C7: variants seen among roughly 807,000 people sequenced by gnomAD.
C7 encodes the protein complement C7.
A neutral mutation model predicts 104.8 loss-of-function variants in C7; 83 were observed. The ratio of observed to expected loss-of-function variants is 0.79; its 90% CI spans 0.66 to 0.95. C7 has a LOEUF of 0.95. C7 is among the 40% of genes least tolerant of loss of function. The pLI is 0.00. For synonymous variants in C7, 415 were observed against 360.6 expected, an observed-to-expected ratio of 1.15 and a Z score of -1.71; for missense variants, 1,070 against 1,011.2, an observed-to-expected ratio of 1.06 and a Z score of -0.79.
Position 40,922,448 on chromosome 5 carries a change from T to A in C7, c.7-6132T>A, listed in dbSNP as rs1386997840. The stretch of plus-strand genomic sequence containing the variant: ...TGGGCGCAGTGGCTCAGAGCTGTAA[T>A]CCCAGCACTTTGGGAGGCTGAGGTG... On this transcript the variant is annotated intron_variant, in intron 1 of 17. Transcript: ENST00000313164. Among the ~76,000 whole-genome samples the A allele has an allele frequency of 2.1e-5, 3 of 139,690 alleles. No individual in the cohort carries two copies. The East Asian group carries it at 7.0e-4, about 33-fold the overall frequency. 91.6% of individuals were successfully genotyped at this position (139,690 alleles called of 152,430 possible). A position where few individuals can be genotyped will look rare whatever the true frequency, so the allele number is the denominator to read the frequency against.
At position 40,968,280 on chromosome 5, in the gene C7, T is replaced by G. The variant is rs544377276; in HGVS notation, c.1882+3407T>G. Among the ~76,000 whole-genome samples the G allele has an allele frequency of 4.8e-3, 729 of 151,152 alleles. 4 individuals carry two copies. Among genetic ancestry groups the G allele is most frequent in the African/African-American group, 0.017 (693 of 41,228 alleles). Reference sequence around the variant, plus strand: ...AGCTGGAATTACATGCATGCAGCACTGCATCTGGCTAATTTTTGTATTTTT... The same window carrying G: ...AGCTGGAATTACATGCATGCAGCACGGCATCTGGCTAATTTTTGTATTTTT... On this transcript the variant is annotated intron_variant, in intron 14 of 17. Transcript: ENST00000313164.
chr5:40,940,452 G>C (rs78193933), intron 6 of C7, among the ~76,000 whole-genome samples: 1 of 152,174 alleles, frequency 6.6e-6, no homozygotes, highest in Admixed American at 6.5e-5. Flanking sequence ...AATGAATTAT[G>C]ATCAAGGTGG....
chr5:40,931,026 C>A (rs1387309285), intron 2 of C7, 38 bp from the exon 3 acceptor site: 8 of 1,409,462 alleles, frequency 5.7e-6, no homozygotes, highest in Non-Finnish European at 7.0e-6. Context: ...GCGTATCTTT[C>A]CACCTGCTTT....
At chr5:40,928,135 T>C (rs964828754) in intron 1 of C7, among the ~76,000 whole-genome samples, 8 of 152,308 alleles carry the variant, frequency 5.3e-5, no homozygotes, top group African/African-American at 1.7e-4. Context: ...GAAAACATTA[T>C]GTTAAGTTAA....
chr5:40,912,776 T>G (rs561008146), intron 1 of C7, among the ~76,000 whole-genome samples: 13 of 152,086 alleles, frequency 8.5e-5, no homozygotes, highest in East Asian at 1.9e-4. Flanking sequence ...AATTTTATGG[T>G]TTTTTTTGGA....
At chr5:40,933,287 A>G (rs976300134) in intron 3 of C7, among the ~76,000 whole-genome samples, 7 of 152,114 alleles carry the variant, frequency 4.6e-5, no homozygotes, top group South Asian at 2.1e-4. Flanking sequence ...TTCGACATTG[A>G]TATGTACAGC....
intron 14 of C7, among the ~76,000 whole-genome samples, chr5:40,971,735 C>T (rs780826443): frequency 2.0e-5 from 3 of 152,114 alleles, no homozygotes; most frequent in African/African-American, 7.2e-5. Context: ...ACATTTAAGT[C>T]TTTAATCCAT....
rs1001731929 is a variant in C7 at position 40,983,291 on chromosome 5, T to C, written c.*1718T>C. On this transcript the variant is annotated 3_prime_UTR_variant, in exon 18 of 18. Transcript: ENST00000313164. ...AAATACCTCAGTATCCTTCCAATAATTTCTCCTCTTAGCTTAAGCTAGTAT... is the reference window on the plus strand; with the variant it reads ...AAATACCTCAGTATCCTTCCAATAACTTCTCCTCTTAGCTTAAGCTAGTAT... Among the ~76,000 whole-genome samples, 15 of 152,330 alleles carry C rather than the reference T, an allele frequency of 9.8e-5. No individual in the cohort carries two copies. The highest frequency in any genetic ancestry group is 3.6e-4 in the African/African-American group (15 of 41,590).
rs1354256675 is a variant in C7, at chr5:40,981,800, C to T, written c.*227C>T. 2.9e-5 allele frequency: 12 copies of T among 411,830 alleles called. No homozygotes were observed. In the East Asian group the frequency reaches 4.5e-4, roughly 15 times the overall value. The allele number at this position is 411,830 out of a possible 1,614,324, so 25.5% of individuals were successfully genotyped here. On this transcript the variant is annotated 3_prime_UTR_variant, in exon 18 of 18. Coordinates refer to ENST00000313164, the MANE Select transcript of C7 (RefSeq NM_000587.4). ...GTCAGTAAGGATATGAGCCTTTGCACAGGCTGGCTGCGTGTTCTTGAAATA... is the reference window on the plus strand; with the variant it reads ...GTCAGTAAGGATATGAGCCTTTGCATAGGCTGGCTGCGTGTTCTTGAAATA...
intron 1 of C7, among the ~76,000 whole-genome samples, chr5:40,921,172 G>A (rs1739430836): frequency 6.6e-6 from 1 of 151,948 alleles, no homozygotes; most frequent in Non-Finnish European, 1.5e-5. Context: ...TGCTAACAGA[G>A]ATGGTTCTGA....
Position 40,979,737 on chromosome 5 carries a change from T to C in C7, c.2178T>C (p.Asp726=), listed in dbSNP as rs755921487. Reference sequence around the variant, plus strand: ...AAATTCTTTTCAGACCTTCCTTGGATGTATGTGCTCAAGATGAGAGAAGCA... The same window carrying C: ...AAATTCTTTTCAGACCTTCCTTGGACGTATGTGCTCAAGATGAGAGAAGCA... ...KMPYECGPSL[D]VCAQDERSKR... The change falls in exon 17 of 18, where the codon GAT becomes GAC. Residue 726 remains aspartate (D), a synonymous_variant. Transcript: ENST00000313164. The C allele has an allele frequency of 1.4e-5, 22 of 1,611,804 alleles. No homozygotes were observed. Among genetic ancestry groups the C allele is most frequent in the Admixed American group, 1.2e-4 (7 of 59,790 alleles).
chr5:40,923,908 T>C (rs1739495859), intron 1 of C7, among the ~76,000 whole-genome samples: 1 of 149,364 alleles, frequency 6.7e-6, no homozygotes, highest in African/African-American at 2.5e-5. Context: ...AACATGGGGA[T>C]TACATTTCAA....
At chr5:40,930,860 C>T (rs1309526095) in intron 2 of C7, among the ~76,000 whole-genome samples, 1 of 152,136 alleles carries the variant, frequency 6.6e-6, no homozygotes, top group Non-Finnish European at 1.5e-5. Flanking sequence ...GCCACTGTGC[C>T]AGCATAATAG....
Position 40,949,953 on chromosome 5 carries a change from T to A in C7, c.1032T>A (p.Phe344Leu), listed in dbSNP as rs769644531. 6.2e-7 allele frequency: 1 copy of A among 1,601,612 alleles called. No individual in the cohort carries two copies. Among genetic ancestry groups the A allele is most frequent in the Non-Finnish European group, 8.5e-7 (1 of 1,173,560 alleles). The change falls in exon 9 of 18, where the codon TTT (phenylalanine) becomes TTA (leucine). Residue 344 changes from phenylalanine (F) to leucine (L), a missense_variant. By Grantham distance (22) the Phe-to-Leu change is conservative (BLOSUM62 0). Transcript: ENST00000313164. Reference sequence around the variant, plus strand: ...AATGTAAATCCTCAGGTTGGCATTTTGTCGTTAAATTTTCAAGTCATGGAT... The same window carrying A: ...AATGTAAATCCTCAGGTTGGCATTTAGTCGTTAAATTTTCAAGTCATGGAT... ...EKKCKSSGWH[F>L]VVKFSSHGCK...
In C7 at chr5:40,958,231, G is replaced by T; in HGVS notation, c.1459G>T (p.Glu487Ter). The T allele has an allele frequency of 6.2e-7, 1 of 1,610,722 alleles. No individual in the cohort carries two copies. The highest frequency in any genetic ancestry group is 1.1e-5 in the South Asian group (1 of 90,518). ...CKPYTFGAACEQGVLVGNQAG... is the reference protein window; with the variant it reads ...CKPYTFGAAC The stretch of plus-strand genomic sequence containing the variant: ...ACCGTACACATTTGGTGCGGCGTGT[G>T]AGCAAGGAGTCCTCGTAGGGAATCA... The change falls in exon 11 of 18, where the codon GAG (glutamate) becomes TAG (stop). Residue 487 changes from glutamate to a stop codon, truncating the protein, a stop_gained. Transcript: ENST00000313164. LOFTEE classifies it high-confidence loss of function.
At chr5:40,925,208 C>T (rs978937113) in intron 1 of C7, among the ~76,000 whole-genome samples, 1 of 152,080 alleles carries the variant, frequency 6.6e-6, no homozygotes, top group African/African-American at 2.4e-5. Flanking sequence ...AGCAGCCAGA[C>T]CACATCTTGA....
intron 12 of C7, among the ~76,000 whole-genome samples, chr5:40,960,394 AT>A (rs1222118151): frequency 1.3e-5 from 2 of 152,214 alleles, no homozygotes; most frequent in Non-Finnish European, 2.9e-5. Context: ...AGAAAAAAGA[AT>A]AAGTTGGGAA....
Position 40,927,152 on chromosome 5 carries a change from G to C in C7, c.7-1428G>C, listed in dbSNP as rs572305094. On this transcript the variant is annotated intron_variant, in intron 1 of 17. Transcript: ENST00000313164. ...TGCCAAGAATACACAATGGGGAAAG[G>C]ATAGTCTCTTTAATAAATGGTATTG... Among the ~76,000 whole-genome samples, 5 of 152,198 alleles carry C rather than the reference G, an allele frequency of 3.3e-5. No individual in the cohort carries two copies. The South Asian group carries it at 8.3e-4, about 25-fold the overall frequency.
chr5:40,943,654 T>C (rs1373150923), intron 6 of C7, among the ~76,000 whole-genome samples: 3 of 151,556 alleles, frequency 2.0e-5, no homozygotes. Flanking sequence ...ATAATATATA[T>C]GTGTGTATGT....
Sources: allele counts gnomAD v4.1 joint callset (sites outside exome capture counted in the v4.1 genomes callset), GRCh38; gene constraint gnomAD v4.1.1; transcripts MANE v1.5; gene names NCBI Gene and HGNC (gene_info 2026-07-23, HGNC 2026-07-21).